ABCA9: variants seen among roughly 807,000 people sequenced by gnomAD.
ABCA9 encodes the protein ATP binding cassette subfamily A member 9.
A neutral mutation model predicts 205.3 loss-of-function variants in ABCA9; 183 were observed. That is an observed-to-expected ratio of 0.89 (90% CI 0.79 to 1.01). The LOEUF (loss-of-function observed/expected upper bound fraction) is 1.01, where lower values mean the gene tolerates loss of function less well. ABCA9 is among the 50% of genes least tolerant of loss of function. The pLI, the probability that ABCA9 is intolerant of heterozygous loss-of-function variation, is 0.00. For synonymous variants in ABCA9, 651 were observed against 683.3 expected (o/e 0.95, Z 0.74); for missense variants, 1,805 against 1,912.4 (o/e 0.94, Z 1.05).
At chr17:68,984,709 T>C (rs113743674) in intron 34 of ABCA9, among the ~76,000 whole-genome samples, 176 bp downstream of exon 34, 22 of 152,362 alleles carry the variant, frequency 1.4e-4, no homozygotes, top group African/African-American at 5.1e-4. Context: ...TGAGATAATA[T>C]AGCTTTTTCT....
intron 10 of ABCA9, 141 bp downstream of exon 10, chr17:69,031,967 T>A (rs1598394948): frequency 1.6e-6 from 1 of 640,628 alleles, no homozygotes; most frequent in East Asian, 2.7e-5. Context: ...AGGATGAGTA[T>A]AGCCTTTGAT....
intron 23 of ABCA9, among the ~76,000 whole-genome samples, chr17:69,009,575 C>A (rs146699778): frequency 6.6e-6 from 1 of 152,056 alleles, no homozygotes; most frequent in South Asian, 2.1e-4. Context: ...CTTGGTATGA[C>A]GAGAAACCAT....
chr17:69,024,098 TA>T, intron 17 of ABCA9, 115 bp downstream of exon 17: 1 of 1,132,198 alleles, frequency 8.8e-7, no homozygotes, highest in Non-Finnish European at 1.3e-6. Flanking sequence ...ATTAAATGAG[TA>T]AACGCATTGT....
intron 1 of ABCA9, among the ~76,000 whole-genome samples, chr17:69,059,229 G>A (rs1472553685): frequency 2.0e-5 from 3 of 152,118 alleles, no homozygotes; most frequent in South Asian, 4.1e-4. Context: ...TAATGGTCCC[G>A]TTCTAATCCT....
chr17:69,018,232 C>G, intron 20 of ABCA9, 181 bp downstream of exon 20: 1 of 530,688 alleles, frequency 1.9e-6, no homozygotes, highest in Non-Finnish European at 3.1e-6. Flanking sequence ...CTTGCAGAAT[C>G]TATTTCTAAA....
In ABCA9 at chr17:69,045,232, G is replaced by A. The variant is rs755963773; in HGVS notation, c.409C>T (p.His137Tyr). The A allele has an allele frequency of 4.3e-6, 7 of 1,612,904 alleles. No individual in the cohort carries two copies. The South Asian group carries it at 7.7e-5, about 18-fold the overall frequency. ...RVIFTDTFSYHLKFSWGHRIP... is the reference protein window; with the variant it reads ...RVIFTDTFSYYLKFSWGHRIP... ...CTATGTCCCCAAGAAAACTTCAAAT[G>A]GTAGGAGAAGGTATCAGTAAAGATG... Residue 137 changes from histidine to tyrosine, a missense_variant, in exon 4 of 39, where the codon CAT (histidine) becomes TAT (tyrosine). Transcript: ENST00000340001.
At chr17:69,049,146 C>T (rs2071816624) in intron 3 of ABCA9, 137 bp downstream of exon 3, 1 of 981,640 alleles carries the variant, frequency 1.0e-6, no homozygotes, top group East Asian at 2.7e-5. Context: ...AATTTTGAGA[C>T]TTGGAAGGAA....
chr17:69,032,009 G>C, intron 10 of ABCA9, 99 bp downstream of exon 10: 1 of 1,156,454 alleles, frequency 8.6e-7, no homozygotes, highest in Non-Finnish European at 1.2e-6. Context: ...GGTGGGTACA[G>C]AGGGCACAGA....
rs894882977 is a variant in ABCA9, at chr17:69,027,803, A to G, written c.1628T>C (p.Val543Ala). Reference sequence around the variant, plus strand: ...CATTCTTGAAAGTGTGTGATTATAGACAGTGACTGAACCTGAAAGCAGAAG... The same window carrying G: ...CATTCTTGAAAGTGTGTGATTATAGGCAGTGACTGAACCTGAAAGCAGAAG... ...LSVPTSGSVT[V>A]YNHTLSRMAD... The change falls in exon 13 of 39, where the codon GTC becomes GCC. Residue 543 changes from valine to alanine, a missense_variant. Coordinates refer to ENST00000340001, the MANE Select transcript of ABCA9 (RefSeq NM_080283.4). 3.1e-6 allele frequency: 5 copies of G among 1,607,122 alleles called. No individual in the cohort carries two copies. Among genetic ancestry groups the G allele is most frequent in the Non-Finnish European group, 3.4e-6 (4 of 1,177,032 alleles).
At chr17:69,073,301 C>A in the ABCA9 span, among the ~76,000 whole-genome samples, 4 of 152,168 alleles carry the variant, frequency 2.6e-5, no homozygotes, top group African/African-American at 9.7e-5. Context: ...AAATTACATC[C>A]TTCTCAGCAC....
chr17:69,048,972 A>T (rs1329141908), intron 3 of ABCA9, among the ~76,000 whole-genome samples: 2 of 152,300 alleles, frequency 1.3e-5, no homozygotes, highest in Middle Eastern at 3.4e-3. Context: ...ATATGTATGT[A>T]TTTGAAAAAT....
chr17:68,995,156 A>G (rs931107074), intron 26 of ABCA9, among the ~76,000 whole-genome samples: 1 of 152,154 alleles, frequency 6.6e-6, no homozygotes, highest in Non-Finnish European at 1.5e-5. Flanking sequence ...TCACAATAGC[A>G]TTTGATGGTT....
chr17:69,044,497 T>G lies in ABCA9; in HGVS notation c.573A>C (p.Glu191Asp), dbSNP rs567627438. 15 of 1,612,442 alleles carry G rather than the reference T, an allele frequency of 9.3e-6. No individual in the cohort carries two copies. In the Middle Eastern group the frequency reaches 6.6e-4, roughly 71 times the overall value. ...TAGATTCCTTTAACTTTATACTCAC[T>G]TCTATGATAGCAGCATTAATGGCAG... ...FQAAINAAII[E>D]IATNHSVMEQ... Residue 191 changes from glutamate to aspartate, a missense_variant and splice_region_variant, in exon 5 of 39, where the codon GAA (glutamate) becomes GAC (aspartate). Glu to Asp is a conservative substitution (Grantham distance 45). Transcript: ENST00000340001.
the ABCA9 span, among the ~76,000 whole-genome samples, chr17:69,070,773 C>G: frequency 1.3e-5 from 2 of 152,162 alleles, no homozygotes; most frequent in Non-Finnish European, 2.9e-5. Flanking sequence ...GGGCTGAAGC[C>G]AGGAAGCCAA....
At position 69,049,462 on chromosome 17, in the gene ABCA9, A is replaced by G. The variant is rs762769331; in HGVS notation, c.125T>C (p.Leu42Pro). 1 of 1,611,950 alleles carries G rather than the reference A, an allele frequency of 6.2e-7. No individual in the cohort carries two copies. Among genetic ancestry groups the G allele is most frequent in the Non-Finnish European group, 8.5e-7 (1 of 1,178,938 alleles). Residue 42 changes from leucine (L) to proline (P), a missense_variant, in exon 3 of 39, where the codon CTG (leucine) becomes CCG (proline). Leu to Pro is a moderately conservative substitution (Grantham distance 98, BLOSUM62 -3). Transcript: ENST00000340001. ...ATTGGAGAAAAATAGGTACAGAAACAGTACCAGAAGAAATGAAAAGAGCCA... is the reference window on the plus strand; with the variant it reads ...ATTGGAGAAAAATAGGTACAGAAACGGTACCAGAAGAAATGAAAAGAGCCA... ...LEWLFSFLLV[L>P]FLYLFFSNLH...
intron 6 of ABCA9, among the ~76,000 whole-genome samples, chr17:69,040,300 C>A (rs1256425809): frequency 2.0e-5 from 3 of 152,156 alleles, no homozygotes; most frequent in African/African-American, 7.2e-5. Context: ...AGACTTGGAA[C>A]CAACCCAATG....
chr17:68,998,948 T>A (rs1298099244), intron 25 of ABCA9, among the ~76,000 whole-genome samples: 1 of 152,012 alleles, frequency 6.6e-6, no homozygotes, highest in East Asian at 1.9e-4. Flanking sequence ...TTATTTGTTC[T>A]GCATTGTTTT....
At chr17:69,069,578 G>A in the ABCA9 span, among the ~76,000 whole-genome samples, 2 of 151,788 alleles carry the variant, frequency 1.3e-5, no homozygotes, top group African/African-American at 4.8e-5. Context: ...GAAGAGAATT[G>A]GTGATGCAGT....
At position 69,008,107 on chromosome 17, in the gene ABCA9, A is replaced by G; in HGVS notation, c.3276T>C (p.Phe1092=). ...LLLMQIMDYI[F]SPEEIIFIIQ... ...TTATAAATATAATCTCCTCTGGGCT[A>G]AAAATATAATCCATTATTTGCATTA... Residue 1092 remains phenylalanine (F), a synonymous_variant, in exon 24 of 39, where the codon TTT becomes TTC. Transcript: ENST00000340001. The G allele has an allele frequency of 6.2e-7, 1 of 1,613,014 alleles. No homozygotes were observed. Among genetic ancestry groups the G allele is most frequent in the South Asian group, 1.1e-5 (1 of 91,012 alleles).
Sources: gnomAD v4.1 joint callset for allele counts (sites outside exome capture counted in the v4.1 genomes callset) on GRCh38, gnomAD v4.1.1 for gene constraint, MANE v1.5 for transcripts, NCBI Gene and HGNC (gene_info 2026-07-23, HGNC 2026-07-21) for gene names.